Variants in NEXMIF observed in about 807,000 individuals in gnomAD.
The protein encoded by NEXMIF is neurite extension and migration factor.
NEXMIF carries 8 observed loss-of-function variants against 62.1 expected under a neutral mutation model. That is an observed-to-expected ratio of 0.13 (90% confidence interval 0.08 to 0.23). The LOEUF (loss-of-function observed/expected upper bound fraction) is 0.23, where lower values mean the gene tolerates loss of function less well. Among genes scored for constraint, NEXMIF ranks in the 10% least tolerant of loss-of-function variants. NEXMIF has a pLI of 1.00. For synonymous variants in NEXMIF, 404 were observed against 416.6 expected, an observed-to-expected ratio of 0.97 and a Z score of 0.37; for missense variants, 976 against 1,113.3, an observed-to-expected ratio of 0.88 and a Z score of 1.75.
At chrX:74,877,459 A>T (rs1273961480) in intron 1 of NEXMIF, among the ~76,000 whole-genome samples, 2 of 110,583 alleles carry the variant, frequency 1.8e-5, no homozygotes, top group African/African-American at 6.6e-5. Context: ...GAATCTGACA[A>T]TTATGTGTCT....
intron 1 of NEXMIF, among the ~76,000 whole-genome samples, chrX:74,845,986 GCTTA>G (rs1307714043): frequency 3.6e-5 from 4 of 111,762 alleles, no homozygotes; most frequent in African/African-American, 1.3e-4. Flanking sequence ...CCCACCTAAT[GCTTA>G]CTTATTGTGT....
chrX:74,748,489 C>T (rs1293860418), intron 1 of NEXMIF, among the ~76,000 whole-genome samples: 2 of 111,850 alleles, frequency 1.8e-5, no homozygotes, highest in Non-Finnish European at 3.8e-5. Context: ...TTTAGCTTTC[C>T]CCCACTGATC....
intron 1 of NEXMIF, among the ~76,000 whole-genome samples, chrX:74,814,387 C>A (rs199703334): frequency 8.9e-6 from 1 of 112,113 alleles, no homozygotes; most frequent in African/African-American, 3.2e-5. Context: ...CATGCTACTG[C>A]TTTAAGTCAA....
At chrX:74,848,813 C>T (rs2080502961) in intron 1 of NEXMIF, among the ~76,000 whole-genome samples, 3 of 111,458 alleles carry the variant, frequency 2.7e-5, no homozygotes, top group Admixed American at 1.9e-4. Context: ...GAGTGGACCA[C>T]TCATGAATGA....
intron 1 of NEXMIF, among the ~76,000 whole-genome samples, chrX:74,756,284 C>T (rs2147447530): frequency 8.9e-6 from 1 of 112,283 alleles, no homozygotes; most frequent in East Asian, 2.8e-4. Flanking sequence ...TTTGTGGGTA[C>T]ATGATAGTTA....
chrX:74,820,704 G>A lies in NEXMIF; in HGVS notation c.-47-75007C>T, dbSNP rs749614708. 3.4e-3 allele frequency among the ~76,000 whole-genome samples: 377 copies of A among 111,923 alleles called. 2 individuals are homozygous for A. The highest frequency in any genetic ancestry group is 0.012 in the African/African-American group (360 of 30,837). On this transcript the variant is annotated intron_variant, in intron 1 of 3. Coordinates refer to ENST00000055682, the MANE Select transcript of NEXMIF (RefSeq NM_001008537.3). ...ATGAAATCATGTCCTTTGCAGCAAC[G>A]TGGATGCAGCTGGAGGCCATTACCT...
At chrX:74,910,749 T>C (rs2080786384) in intron 1 of NEXMIF, among the ~76,000 whole-genome samples, 1 of 111,485 alleles carries the variant, frequency 9.0e-6, no homozygotes, top group Admixed American at 9.5e-5. Context: ...CAGAGATAAT[T>C]TGAATCACGG....
Position 74,745,357 on chromosome X carries a change from G to A in NEXMIF, c.79+215C>T, listed in dbSNP as rs751838828. ...GAATTTTGAGGATCTTCATCTGGCA[G>A]ATATGATTTGGGAGGGCAAAGTGGT... On this transcript the variant is annotated intron_variant, in intron 2 of 3. Coordinates refer to ENST00000055682, the MANE Select transcript of NEXMIF (RefSeq NM_001008537.3). Among the ~76,000 whole-genome samples, 12 of 111,660 alleles carry A rather than the reference G, an allele frequency of 1.1e-4. No individual in the cohort carries two copies. In the South Asian group the frequency reaches 4.6e-3, roughly 43 times the overall value.
intron 1 of NEXMIF, among the ~76,000 whole-genome samples, chrX:74,914,250 A>G (rs1042986809): frequency 3.6e-5 from 4 of 112,445 alleles, no homozygotes; most frequent in Non-Finnish European, 7.5e-5. Context: ...CAGTTTCTGA[A>G]AAAACTGCAA....
At chrX:74,806,885 A>G (rs2080346478) in intron 1 of NEXMIF, among the ~76,000 whole-genome samples, 1 of 112,639 alleles carries the variant, frequency 8.9e-6, no homozygotes, top group Non-Finnish European at 1.9e-5. Context: ...GTATTTGTGT[A>G]TCTATTCTGT....
intron 1 of NEXMIF, among the ~76,000 whole-genome samples, chrX:74,813,165 G>T (rs184878300): frequency 1.0e-3 from 113 of 111,274 alleles, no homozygotes; most frequent in Non-Finnish European, 1.8e-3. Flanking sequence ...TAAGGAGGTG[G>T]AATAAGTAGA....
At position 74,789,908 on chromosome X, in the gene NEXMIF, T is replaced by C. The variant is rs2080273970; in HGVS notation, c.-47-44211A>G. Among the ~76,000 whole-genome samples the C allele has an allele frequency of 2.8e-5, 3 of 107,321 alleles. No individual in the cohort carries two copies. The Admixed American group carries it at 3.0e-4, about 11-fold the overall frequency. The allele number at this position is 107,321 out of a possible 115,157, so 93.2% of individuals were successfully genotyped here. A position where few individuals can be genotyped will look rare whatever the true frequency, so the allele number is the denominator to read the frequency against. On this transcript the variant is annotated intron_variant, in intron 1 of 3. Coordinates refer to ENST00000055682, the MANE Select transcript of NEXMIF (RefSeq NM_001008537.3). The stretch of plus-strand genomic sequence containing the variant: ...TCAGATGAGTAGGTTGCGAAAATTT[T>C]CTCCCATTTTGTGGGTTGCCTGTTC...
At chrX:74,901,251 T>C (rs1298081587) in intron 1 of NEXMIF, among the ~76,000 whole-genome samples, 1 of 112,114 alleles carries the variant, frequency 8.9e-6, no homozygotes, top group African/African-American at 3.2e-5. Flanking sequence ...TGCCTGTCTA[T>C]GGATATTTCT....
At chrX:74,862,169 GA>G (rs2080560147) in intron 1 of NEXMIF, among the ~76,000 whole-genome samples, 2 of 110,893 alleles carry the variant, frequency 1.8e-5, no homozygotes, top group African/African-American at 6.6e-5. Flanking sequence ...ATGGAAAGCA[GA>G]AAAGACAGGA....
chrX:74,794,748 GT>G (rs1381609320), intron 1 of NEXMIF, among the ~76,000 whole-genome samples: 13 of 111,382 alleles, frequency 1.2e-4, no homozygotes, highest in African/African-American at 4.2e-4. Context: ...TCCAGGTGCC[GT>G]CCGTCACCCC....
At chrX:74,853,554 C>T (rs933562250) in intron 1 of NEXMIF, among the ~76,000 whole-genome samples, 1 of 110,366 alleles carries the variant, frequency 9.1e-6, no homozygotes, top group African/African-American at 3.3e-5. Flanking sequence ...GTTTGCATAT[C>T]TATGCCTGAC....
chrX:74,769,749 T>C (rs1602222345), intron 1 of NEXMIF: 2 of 572,990 alleles, frequency 3.5e-6, no homozygotes, highest in East Asian at 6.6e-5. Flanking sequence ...GATGAGGGAC[T>C]GCAGTACTTG....
intron 1 of NEXMIF, among the ~76,000 whole-genome samples, chrX:74,906,696 A>G (rs2080770264): frequency 9.0e-6 from 1 of 110,792 alleles, no homozygotes; most frequent in South Asian, 3.9e-4. Flanking sequence ...CTCTGAATTT[A>G]TTCCCTCACA....
chrX:74,873,691 T>C (rs1248518622), intron 1 of NEXMIF, among the ~76,000 whole-genome samples: 1 of 112,174 alleles, frequency 8.9e-6, no homozygotes, highest in Non-Finnish European at 1.9e-5. Flanking sequence ...TTCTAACTGG[T>C]GTGAGATGGT....
Sources: allele counts gnomAD v4.1 joint callset (sites outside exome capture counted in the v4.1 genomes callset), GRCh38; gene constraint gnomAD v4.1.1; transcripts MANE v1.5; gene names NCBI Gene and HGNC (gene_info 2026-07-23, HGNC 2026-07-21).